Variants in KLF12 observed in about 807,000 individuals in gnomAD.
KLF12 encodes KLF transcription factor 12.
KLF12 carries 9 observed loss-of-function variants against 37.8 expected under a neutral mutation model. The observed-to-expected ratio is 0.24, with a 90% CI of 0.14 to 0.42. The LOEUF (loss-of-function observed/expected upper bound fraction) is 0.42. KLF12 is among the 10% of genes least tolerant of loss of function. The pLI, the probability that KLF12 is intolerant of heterozygous loss-of-function variation, is 1.00. For missense variants in KLF12, 411 were observed against 516.0 expected (o/e 0.80, Z 1.97); for synonymous variants, 208 against 202.1 (o/e 1.03, Z -0.25).
intron 3 of KLF12, among the ~76,000 whole-genome samples, chr13:73,920,642 A>G (rs1008844350): frequency 4.6e-5 from 7 of 152,034 alleles, no homozygotes; most frequent in Admixed American, 3.3e-4. Context: ...ACCCTTTCAA[A>G]GTTAATTTTT....
chr13:74,003,307 A>T (rs1263121881), intron 1 of KLF12, among the ~76,000 whole-genome samples: 1 of 152,208 alleles, frequency 6.6e-6, no homozygotes, highest in Non-Finnish European at 1.5e-5. Flanking sequence ...TAGTAGATTT[A>T]AGTCTGAATT....
At chr13:74,258,085 G>C in the KLF12 span, 1 of 151,756 alleles carries the variant, frequency 6.6e-6, no homozygotes, top group Non-Finnish European at 1.5e-5. Context: ...CGTGATTTCT[G>C]TGTCTAAAAT....
chr13:74,201,504 C>G, the KLF12 span, among the ~76,000 whole-genome samples: 2 of 152,108 alleles, frequency 1.3e-5, no homozygotes, highest in African/African-American at 4.8e-5. Context: ...TACTTATTCC[C>G]AATAAGCTCT....
At chr13:73,765,550 T>G (rs1879854992) in intron 5 of KLF12, among the ~76,000 whole-genome samples, 1 of 152,202 alleles carries the variant, frequency 6.6e-6, no homozygotes, top group African/African-American at 2.4e-5. Flanking sequence ...GGAAGTGATG[T>G]GCTACACTGG....
the KLF12 span, among the ~76,000 whole-genome samples, chr13:74,286,242 G>A: frequency 1.3e-5 from 2 of 152,036 alleles, no homozygotes; most frequent in Non-Finnish European, 2.9e-5. Flanking sequence ...ATGGATGTGA[G>A]GTAATGTATA....
chr13:73,994,724 T>C (rs1892060466), intron 2 of KLF12, among the ~76,000 whole-genome samples: 1 of 152,188 alleles, frequency 6.6e-6, no homozygotes, highest in Admixed American at 6.5e-5. Context: ...TTAATATTCA[T>C]CTGAAAGTTG....
chr13:73,772,081 G>A (rs367582098), intron 5 of KLF12, among the ~76,000 whole-genome samples: 6 of 152,298 alleles, frequency 3.9e-5, no homozygotes, highest in Admixed American at 2.0e-4. Context: ...CTAAGGAGTC[G>A]GGAACTGGGT....
At chr13:74,028,865 T>A (rs746153462) in intron 1 of KLF12, among the ~76,000 whole-genome samples, 2 of 152,000 alleles carry the variant, frequency 1.3e-5, no homozygotes, top group Non-Finnish European at 2.9e-5. Flanking sequence ...ATACCTTATA[T>A]GATCAATTAA....
chr13:74,210,207 T>C, the KLF12 span, among the ~76,000 whole-genome samples: 186 of 152,256 alleles, frequency 1.2e-3, 1 homozygote, highest in African/African-American at 4.2e-3. Context: ...TCATAGTAAA[T>C]GGCATTCTCT....
chr13:73,822,364 C>T (rs1489445332), intron 4 of KLF12, among the ~76,000 whole-genome samples: 1 of 152,158 alleles, frequency 6.6e-6, no homozygotes, highest in African/African-American at 2.4e-5. Context: ...TCATTTTAAA[C>T]ACTACCAAAT....
chr13:73,853,173 T>C (rs1397662088), intron 3 of KLF12, among the ~76,000 whole-genome samples: 1 of 152,194 alleles, frequency 6.6e-6, no homozygotes, highest in Non-Finnish European at 1.5e-5. Context: ...AATGCTTTTT[T>C]ACATATGAAT....
intron 1 of KLF12, among the ~76,000 whole-genome samples, chr13:74,099,839 A>G (rs1876213784): frequency 6.6e-6 from 1 of 152,190 alleles, no homozygotes; most frequent in Non-Finnish European, 1.5e-5. Context: ...TTTTATTTAA[A>G]AAAAAAGTGT....
Position 73,960,470 on chromosome 13 carries a change from T to A in KLF12, c.34-16400A>T, listed in dbSNP as rs1035828297. ...TTCAAAATGTGAGGCAAAAAAAGAG[T>A]CAAGTGGGCTAAAAAAAAGAAGAGC... On this transcript the variant is annotated intron_variant, in intron 2 of 7. Transcript: ENST00000377669. 5.5e-5 allele frequency: 12 copies of A among 217,846 alleles called. No homozygotes were observed. The South Asian group carries it at 5.9e-4, about 11-fold the overall frequency. The allele number at this position is 217,846 out of a possible 1,614,324, so 13.5% of individuals were successfully genotyped here.
Position 73,948,048 on chromosome 13 carries a change from TATG to T in KLF12, c.34-3981_34-3979del, listed in dbSNP as rs543286804. Among the ~76,000 whole-genome samples, 365 of 152,300 alleles carry T rather than the reference TATG, an allele frequency of 2.4e-3. 4 individuals are homozygous for T. The highest frequency in any genetic ancestry group is 8.2e-3 in the African/African-American group (339 of 41,564). On this transcript the variant is annotated intron_variant, in intron 2 of 7. Coordinates refer to ENST00000377669, the MANE Select transcript of KLF12 (RefSeq NM_007249.5). ...TTTTGCTCTTTGTAAATACAGGAAA[TATG>T]ATATTTTATTGAAATACACATCCAC... is the stretch of plus-strand genomic sequence containing the variant.
At chr13:74,165,101 C>T in the KLF12 span, among the ~76,000 whole-genome samples, 1 of 152,086 alleles carries the variant, frequency 6.6e-6, no homozygotes, top group East Asian at 1.9e-4. Flanking sequence ...GTGATGGATA[C>T]CCCATTTACC....
intron 3 of KLF12, among the ~76,000 whole-genome samples, chr13:73,942,540 G>C (rs1890235196): frequency 6.6e-6 from 1 of 152,126 alleles, no homozygotes; most frequent in South Asian, 2.1e-4. Flanking sequence ...CTATCTATAA[G>C]GTTTGGAAGG....
chr13:73,711,592 C>T (rs904096007), intron 7 of KLF12, among the ~76,000 whole-genome samples: 14 of 152,082 alleles, frequency 9.2e-5, no homozygotes, highest in Non-Finnish European at 1.5e-4. Context: ...ATGTTTTAAG[C>T]CCACTGTTGA....
intron 2 of KLF12, among the ~76,000 whole-genome samples, chr13:73,990,562 T>G: frequency 6.6e-6 from 1 of 152,154 alleles, no homozygotes; most frequent in East Asian, 1.9e-4. Context: ...ACCTTAATTT[T>G]AAAAGAATAG....
chr13:74,018,503 T>C (rs1272802316), intron 1 of KLF12, among the ~76,000 whole-genome samples: 1 of 152,232 alleles, frequency 6.6e-6, no homozygotes, highest in Non-Finnish European at 1.5e-5. Flanking sequence ...TTAGCTAGAT[T>C]TAACCATTCT....
Sources: allele counts gnomAD v4.1 joint callset (sites outside exome capture counted in the v4.1 genomes callset), GRCh38; gene constraint gnomAD v4.1.1; transcripts MANE v1.5; gene names NCBI Gene and HGNC (gene_info 2026-07-23, HGNC 2026-07-21).